Variants in IPP observed in about 807,000 individuals in gnomAD.
IPP encodes intracisternal A particle-promoted polypeptide.
A neutral mutation model predicts 64.1 loss-of-function variants in IPP; 41 were observed. That is an observed-to-expected ratio of 0.64 (90% CI 0.50 to 0.83). IPP has a LOEUF of 0.83. Ranked by LOEUF, IPP falls within the 40% of genes least tolerant of loss-of-function variation. IPP has a pLI of 0.00. For missense variants in IPP, 649 were observed against 703.0 expected (o/e 0.92, Z 0.87); for synonymous variants, 214 against 235.2 (o/e 0.91, Z 0.83).
At chr1:45,744,957 G>T (rs969653979) in intron 2 of IPP, among the ~76,000 whole-genome samples, 1 of 152,100 alleles carries the variant, frequency 6.6e-6, no homozygotes, top group African/African-American at 2.4e-5. Flanking sequence ...GCTATGCAGG[G>T]TGGTGAGATG....
At chr1:45,744,684 T>TA (rs1181610726) in intron 2 of IPP, among the ~76,000 whole-genome samples, 3 of 151,740 alleles carry the variant, frequency 2.0e-5, no homozygotes, top group African/African-American at 7.3e-5. Context: ...ACTAAAAATA[T>TA]AAAAATTAGC....
chr1:45,719,129 T>C (rs1645698509), intron 6 of IPP, 74 bp downstream of exon 6: 1 of 1,413,902 alleles, frequency 7.1e-7, no homozygotes, highest in Admixed American at 1.7e-5. Context: ...ATATACCTAT[T>C]ATGTATCCAC....
At chr1:45,725,554 C>T (rs1337817316) in intron 5 of IPP, among the ~76,000 whole-genome samples, 2 of 137,412 alleles carry the variant, frequency 1.5e-5, no homozygotes, top group African/African-American at 5.3e-5. Context: ...AGTGAGGAGC[C>T]CCTCTGCCCG....
rs546053211 is a variant in IPP, at chr1:45,699,147, A to T, written c.*819T>A. 1.0e-6 allele frequency: 1 copy of T among 985,408 alleles called. No individual in the cohort carries two copies. Among genetic ancestry groups the T allele is most frequent in the East Asian group, 1.1e-4 (1 of 8,804 alleles). The allele number at this position is 985,408 out of a possible 1,614,324, so 61.0% of individuals were successfully genotyped here. On this transcript the variant is annotated 3_prime_UTR_variant, in exon 9 of 9. Coordinates refer to ENST00000396478, the MANE Select transcript of IPP (RefSeq NM_005897.3). ...TTGCATTCTCAGGATCAAGACAAAA[A>T]ATATGAGCAAGCAAAAACTTATCAT...
At chr1:45,747,833 T>TA (rs1646158735) in intron 1 of IPP, among the ~76,000 whole-genome samples, 1 of 16,004 alleles carries the variant, frequency 6.2e-5, no homozygotes, top group East Asian at 1.5e-3. Context: ...AGACTCTGTC[T>TA]CAAAAAAAAA....
At chr1:45,725,786 T>C (rs1645816616) in intron 5 of IPP, among the ~76,000 whole-genome samples, 2 of 139,696 alleles carry the variant, frequency 1.4e-5, no homozygotes, top group Admixed American at 1.5e-4. Context: ...TCTGTGACCT[T>C]ACCCCCAACC....
chr1:45,739,462 C>T (rs1290881283), intron 3 of IPP, among the ~76,000 whole-genome samples: 1 of 142,630 alleles, frequency 7.0e-6, no homozygotes, highest in Non-Finnish European at 1.5e-5. Flanking sequence ...ACCATGTTGC[C>T]CAGGCTGGTC....
chr1:45,744,304 C>T (rs1266589275), intron 2 of IPP, among the ~76,000 whole-genome samples: 2 of 152,116 alleles, frequency 1.3e-5, no homozygotes, highest in Non-Finnish European at 2.9e-5. Flanking sequence ...ATATTTATTG[C>T]ATATCCTGTA....
intron 3 of IPP, among the ~76,000 whole-genome samples, chr1:45,734,764 C>T (rs369521372): frequency 4.6e-5 from 7 of 151,902 alleles, no homozygotes; most frequent in African/African-American, 1.7e-4. Flanking sequence ...GGAATACAGA[C>T]ATGCACCACC....
chr1:45,749,647 A>T (rs1646192458), intron 1 of IPP, among the ~76,000 whole-genome samples: 1 of 149,390 alleles, frequency 6.7e-6, no homozygotes, highest in Non-Finnish European at 1.5e-5. Flanking sequence ...CAGCCTCCCG[A>T]GCAGCTGGGA....
intron 5 of IPP, among the ~76,000 whole-genome samples, chr1:45,724,906 G>C (rs1390725852): frequency 7.1e-6 from 1 of 141,386 alleles, no homozygotes; most frequent in African/African-American, 2.6e-5. Context: ...TCAGCCCCCC[G>C]CCCGGCCAGC....
downstream of IPP, chr1:45,696,828 T>C (rs1361642463): frequency 6.6e-6 from 1 of 152,240 alleles, no homozygotes; most frequent in Non-Finnish European, 1.5e-5. Context: ...CTAGGAATAA[T>C]AAGCATATTT....
In IPP at chr1:45,699,696, T is replaced by G; in HGVS notation, c.*270A>C. The G allele has an allele frequency of 8.9e-7, 1 of 1,117,826 alleles. No homozygotes were observed. 69.2% of individuals were successfully genotyped at this position (1,117,826 alleles called of 1,614,324 possible). A position where few individuals can be genotyped will look rare whatever the true frequency, so the allele number is the denominator to read the frequency against. On this transcript the variant is annotated 3_prime_UTR_variant, in exon 9 of 9. Coordinates refer to ENST00000396478, the MANE Select transcript of IPP (RefSeq NM_005897.3). Reference sequence around the variant, plus strand: ...TTTTCTTTAAGAGACAGGATCTCATTCTGTTGCCCAGAGTGGAGTGCAGTG... The same window carrying G: ...TTTTCTTTAAGAGACAGGATCTCATGCTGTTGCCCAGAGTGGAGTGCAGTG...
At chr1:45,714,868 G>A (rs1188508212) in intron 7 of IPP, among the ~76,000 whole-genome samples, 6 of 152,052 alleles carry the variant, frequency 3.9e-5, no homozygotes, top group Admixed American at 3.9e-4. Flanking sequence ...CCTATCTGTT[G>A]CTCAGATGGA....
chr1:45,700,326 T>A (rs1469179876), intron 8 of IPP, 136 bp from the exon 9 acceptor site: 6 of 1,255,304 alleles, frequency 4.8e-6, no homozygotes, highest in Admixed American at 2.9e-5. Context: ...GCATACAGAT[T>A]TTTTTTTCTT....
intron 5 of IPP, among the ~76,000 whole-genome samples, chr1:45,725,422 G>A (rs1349479863): frequency 6.8e-6 from 1 of 147,102 alleles, no homozygotes; most frequent in Non-Finnish European, 1.5e-5. Flanking sequence ...TGGGAAGTGA[G>A]GAGCCCCTCT....
At chr1:45,743,738 C>T (rs1252062271) in intron 2 of IPP, among the ~76,000 whole-genome samples, 2 of 151,592 alleles carry the variant, frequency 1.3e-5, no homozygotes, top group African/African-American at 2.4e-5. Context: ...AGGCTGGGCA[C>T]AGTGGCTCTC....
At chr1:45,696,881 C>T (rs1645392600), downstream of IPP, 1 of 152,238 alleles carries the variant, frequency 6.6e-6, no homozygotes, top group Non-Finnish European at 1.5e-5. Context: ...TGTTAAAACA[C>T]TGACTGCCTT....
chr1:45,709,035 A>G (rs1361947426), intron 8 of IPP, among the ~76,000 whole-genome samples: 1 of 146,844 alleles, frequency 6.8e-6, no homozygotes, highest in African/African-American at 2.5e-5. Flanking sequence ...CTCCATCTCA[A>G]AAAAAAAAAA....
Sources: gnomAD v4.1 joint callset for allele counts (sites outside exome capture counted in the v4.1 genomes callset) on GRCh38, gnomAD v4.1.1 for gene constraint, MANE v1.5 for transcripts, NCBI Gene and HGNC (gene_info 2026-07-23, HGNC 2026-07-21) for gene names.